SV2C: variants seen among roughly 807,000 people sequenced by gnomAD.
SV2C encodes synaptic vesicle glycoprotein 2C, also known as solute carrier family 22 member B3.
A neutral mutation model predicts 79.7 loss-of-function variants in SV2C; 49 were observed. The ratio of observed to expected loss-of-function variants is 0.61; its 90% CI spans 0.49 to 0.78. The LOEUF (loss-of-function observed/expected upper bound fraction) is 0.78, where lower values mean the gene tolerates loss of function less well. SV2C is among the 30% of genes least tolerant of loss of function. The pLI is 0.00. For synonymous variants in SV2C, 334 were observed against 333.2 expected (o/e 1.00, Z -0.03); for missense variants, 833 against 912.9 (o/e 0.91, Z 1.13).
intron 8 of SV2C, among the ~76,000 whole-genome samples, chr5:76,294,530 G>A (rs1561302468): frequency 6.6e-6 from 1 of 152,094 alleles, no homozygotes; most frequent in Non-Finnish European, 1.5e-5. Context: ...TCGATCTCCT[G>A]ACCTTGTGAT....
At chr5:76,335,414 C>CTTT (rs869230352), downstream of SV2C, among the ~76,000 whole-genome samples, 748 of 98,096 alleles carry the variant, frequency 7.6e-3, 35 homozygotes, top group African/African-American at 0.032. Flanking sequence ...ACACATTTTC[C>CTTT]TTTTTTTTTT....
intron 4 of SV2C, among the ~76,000 whole-genome samples, chr5:76,236,895 C>A (rs1827397): frequency 0.12 from 17,795 of 152,082 alleles, 3,012 homozygotes; most frequent in African/African-American, 0.38. Flanking sequence ...TAATTGCATC[C>A]TGGGGGTAGT....
chr5:75,897,961 A>G, the SV2C span, among the ~76,000 whole-genome samples: 1 of 151,654 alleles, frequency 6.6e-6, no homozygotes, highest in Non-Finnish European at 1.5e-5. Context: ...GTTTAAGTAG[A>G]TTTTGGGCTG....
chr5:75,878,984 A>G, the SV2C span, among the ~76,000 whole-genome samples: 1 of 152,208 alleles, frequency 6.6e-6, no homozygotes, highest in African/African-American at 2.4e-5. Flanking sequence ...AGCATCTCAC[A>G]TGGTGAGAAT....
At chr5:76,141,353 T>C (rs980325570) in intron 2 of SV2C, among the ~76,000 whole-genome samples, 4 of 152,186 alleles carry the variant, frequency 2.6e-5, no homozygotes, top group African/African-American at 4.8e-5. Flanking sequence ...CTCTGAATCA[T>C]TGTATCCCTA....
At chr5:76,338,659 C>CTT (rs60550344), downstream of SV2C, among the ~76,000 whole-genome samples, 7 of 119,550 alleles carry the variant, frequency 5.9e-5, no homozygotes, top group Admixed American at 8.4e-5. Context: ...TTTTCTTTTT[C>CTT]TTTTTTTTTT....
the SV2C span, among the ~76,000 whole-genome samples, chr5:75,952,030 A>G: frequency 1.3e-5 from 2 of 151,998 alleles, no homozygotes; most frequent in Non-Finnish European, 2.9e-5. Flanking sequence ...AAAATAAAGA[A>G]TGATAAGCAG....
chr5:76,284,775 G>T (rs1747297632), intron 4 of SV2C, among the ~76,000 whole-genome samples: 1 of 152,234 alleles, frequency 6.6e-6, no homozygotes, highest in African/African-American at 2.4e-5. Flanking sequence ...GCCGGTTGAT[G>T]CAGTCCACAG....
intron 4 of SV2C, among the ~76,000 whole-genome samples, chr5:76,247,645 T>A (rs1022473981): frequency 2.0e-5 from 3 of 152,200 alleles, no homozygotes; most frequent in Non-Finnish European, 4.4e-5. Flanking sequence ...GGGAGGGTAA[T>A]ACAACATCGG....
the SV2C span, among the ~76,000 whole-genome samples, chr5:75,889,466 T>A: frequency 2.6e-4 from 39 of 152,282 alleles, no homozygotes; most frequent in East Asian, 5.0e-3. Context: ...TTCCATGGTG[T>A]ATATGTGACA....
rs148345157 is a variant in SV2C, at chr5:76,147,948, A to G, written c.580+15618A>G. On this transcript the variant is annotated intron_variant, in intron 2 of 12. Transcript: ENST00000502798. ...TTTATGTAATACATTTTTTTCCTAT[A>G]CACCTTTCTGTCATGCTGTTATTGC... 3.9e-5 allele frequency among the ~76,000 whole-genome samples: 6 copies of G among 152,172 alleles called. No homozygotes were observed. The East Asian group carries it at 1.2e-3, about 29-fold the overall frequency.
chr5:76,102,059 A>G (rs1501905), intron 1 of SV2C, among the ~76,000 whole-genome samples: 85,337 of 152,024 alleles, frequency 0.56, 26,061 homozygotes, highest in African/African-American at 0.8. Flanking sequence ...AGTTTTGTCC[A>G]TCTTCATACC....
chr5:76,239,262 T>A (rs1474463268), intron 4 of SV2C, among the ~76,000 whole-genome samples: 1 of 152,182 alleles, frequency 6.6e-6, no homozygotes, highest in Non-Finnish European at 1.5e-5. Flanking sequence ...ATAGTGATGT[T>A]TGAAATGACA....
chr5:76,082,258 G>C (rs914073883), upstream of SV2C: 2 of 152,226 alleles, frequency 1.3e-5, no homozygotes, highest in African/African-American at 4.8e-5. Context: ...GGTCTGCGTC[G>C]GAAGGCCCGG....
At chr5:76,247,366 C>A (rs879919863) in intron 4 of SV2C, among the ~76,000 whole-genome samples, 4 of 152,224 alleles carry the variant, frequency 2.6e-5, no homozygotes, top group Admixed American at 2.6e-4. Flanking sequence ...TATTTGTATG[C>A]TTCCTGTTCA....
At chr5:75,984,577 A>G in the SV2C span, among the ~76,000 whole-genome samples, 571 of 92,398 alleles carry the variant, frequency 6.2e-3, 1 homozygote, top group East Asian at 0.011. Context: ...ATATCTATCT[A>G]TCTATCTATC....
the SV2C span, among the ~76,000 whole-genome samples, chr5:76,023,024 G>A: frequency 1.3e-5 from 2 of 152,164 alleles, no homozygotes; most frequent in African/African-American, 2.4e-5. Flanking sequence ...CCCTGTAGAT[G>A]TATATCCACA....
chr5:75,977,243 T>TA, the SV2C span, among the ~76,000 whole-genome samples: 1 of 152,164 alleles, frequency 6.6e-6, no homozygotes, highest in Non-Finnish European at 1.5e-5. Flanking sequence ...GGCTGAACTT[T>TA]AAAATGGGCC....
intron 1 of SV2C, among the ~76,000 whole-genome samples, chr5:76,121,879 A>C (rs1027103054): frequency 5.0e-4 from 76 of 152,136 alleles, no homozygotes; most frequent in African/African-American, 1.8e-3. Flanking sequence ...TATGAACTTT[A>C]AAGTAGTTTT....
Sources: allele counts gnomAD v4.1 joint callset (sites outside exome capture counted in the v4.1 genomes callset), GRCh38; gene constraint gnomAD v4.1.1; transcripts MANE v1.5; gene names NCBI Gene and HGNC (gene_info 2026-07-23, HGNC 2026-07-21).